The following NBEA variants were observed in gnomAD, a reference collection of about 807,000 sequenced individuals.
NBEA encodes lysosomal-trafficking regulator 2.
Under a neutral mutation model 343.4 loss-of-function variants are expected in NBEA, and 44 were observed. The ratio of observed to expected loss-of-function variants is 0.13; its 90% confidence interval spans 0.10 to 0.16. NBEA has a LOEUF of 0.16. Among genes scored for constraint, NBEA ranks in the 10% least tolerant of loss-of-function variants. The pLI, the probability that NBEA is intolerant of heterozygous loss-of-function variation, is 1.00. For missense variants in NBEA, 2,555 were observed against 3,631.3 expected (o/e 0.70, Z 7.62); for synonymous variants, 1,175 against 1,238.7 (o/e 0.95, Z 1.08).
At chr13:35,666,523 C>T (rs1183005261) in intron 56 of NBEA, among the ~76,000 whole-genome samples, 1 of 151,648 alleles carries the variant, frequency 6.6e-6, no homozygotes, top group East Asian at 1.9e-4. Flanking sequence ...TCCTAATTTT[C>T]TATAGGGCAA....
intron 34 of NBEA, among the ~76,000 whole-genome samples, chr13:35,289,733 G>C (rs2035678339): frequency 6.6e-6 from 1 of 151,840 alleles, no homozygotes; most frequent in Non-Finnish European, 1.5e-5. Flanking sequence ...CCCAGCACAT[G>C]CTAAGTGATC....
At chr13:35,425,388 C>T (rs1423163547) in intron 38 of NBEA, among the ~76,000 whole-genome samples, 2 of 152,232 alleles carry the variant, frequency 1.3e-5, no homozygotes, top group East Asian at 1.9e-4. Flanking sequence ...TTATTTCTGC[C>T]TTCATTTTGT....
intron 10 of NBEA, among the ~76,000 whole-genome samples, chr13:35,093,616 A>G (rs1447154332): frequency 6.6e-6 from 1 of 152,034 alleles, no homozygotes; most frequent in African/African-American, 2.4e-5. Flanking sequence ...GAAGGGCATT[A>G]GAGTATGCAT....
chr13:34,943,454 G>C (rs2059095171), intron 1 of NBEA, among the ~76,000 whole-genome samples: 1 of 152,204 alleles, frequency 6.6e-6, no homozygotes, highest in South Asian at 2.1e-4. Context: ...GAGGCCTCCT[G>C]TTCTCTGGGG....
At position 34,969,013 on chromosome 13, in the gene NBEA, G is replaced by A. The variant is rs887379798; in HGVS notation, c.294+25899G>A. Among the ~76,000 whole-genome samples the A allele has an allele frequency of 2.0e-5, 3 of 151,640 alleles. No homozygotes were observed. In the East Asian group the frequency reaches 5.8e-4, roughly 29 times the overall value. ...GAAAACTACCTACTGGATCACAACT[G>A]GTAGGCTTTATTCTCCTGAGTGATC... On this transcript the variant is annotated intron_variant, in intron 1 of 58. Coordinates refer to ENST00000379939, the MANE Select transcript of NBEA (RefSeq NM_001385012.1).
chr13:35,167,978 C>T (rs2070168213), intron 24 of NBEA, among the ~76,000 whole-genome samples: 1 of 151,734 alleles, frequency 6.6e-6, no homozygotes, highest in African/African-American at 2.4e-5. Context: ...TCTAGCTCTC[C>T]TAATAGTTTC....
chr13:35,283,644 A>G (rs539533176), intron 34 of NBEA, among the ~76,000 whole-genome samples: 2 of 152,196 alleles, frequency 1.3e-5, no homozygotes. Flanking sequence ...TATATTTCAT[A>G]GCATCTTTAG....
At chr13:35,371,717 C>T (rs1483083152) in intron 38 of NBEA, among the ~76,000 whole-genome samples, 3 of 152,104 alleles carry the variant, frequency 2.0e-5, no homozygotes, top group Non-Finnish European at 4.4e-5. Flanking sequence ...ATCTGCACAT[C>T]TGGTATAATT....
chr13:35,229,801 A>C (rs1269942219), intron 33 of NBEA, among the ~76,000 whole-genome samples: 1 of 152,130 alleles, frequency 6.6e-6, no homozygotes, highest in Non-Finnish European at 1.5e-5. Flanking sequence ...TCAGAATTTA[A>C]ATTGTGTAAC....
intron 1 of NBEA, among the ~76,000 whole-genome samples, chr13:34,956,744 A>G (rs1284764094): frequency 6.6e-6 from 1 of 152,176 alleles, no homozygotes; most frequent in African/African-American, 2.4e-5. Flanking sequence ...ACCATTTTAA[A>G]GTTTACAGTT....
At chr13:35,311,809 G>A (rs1258481470) in intron 36 of NBEA, among the ~76,000 whole-genome samples, 2 of 152,042 alleles carry the variant, frequency 1.3e-5, no homozygotes, top group South Asian at 2.1e-4. Flanking sequence ...AGCCAAGATC[G>A]TGCCATTGCA....
intron 38 of NBEA, among the ~76,000 whole-genome samples, chr13:35,404,653 A>G (rs1403108754): frequency 6.7e-6 from 1 of 148,834 alleles, no homozygotes; most frequent in Non-Finnish European, 1.5e-5. Context: ...ACCTAATGCT[A>G]AATGACGAGT....
At chr13:35,105,974 A>G (rs900160532) in intron 11 of NBEA, among the ~76,000 whole-genome samples, 1 of 152,072 alleles carries the variant, frequency 6.6e-6, no homozygotes. Context: ...TCTTTATTGA[A>G]TAGAAGTTTC....
At chr13:35,307,619 T>C (rs2152830643) in intron 35 of NBEA, among the ~76,000 whole-genome samples, 1 of 152,202 alleles carries the variant, frequency 6.6e-6, no homozygotes, top group South Asian at 2.1e-4. Flanking sequence ...TTATGGTGAC[T>C]AAAGAGTCTT....
intron 6 of NBEA, among the ~76,000 whole-genome samples, chr13:35,054,577 T>C (rs1393021149): frequency 6.6e-6 from 1 of 151,968 alleles, no homozygotes; most frequent in Non-Finnish European, 1.5e-5. Context: ...AAGCACACTG[T>C]TGTTTTGTAT....
rs149296154 is a variant in NBEA, at chr13:34,951,295, A to T, written c.294+8181A>T. On this transcript the variant is annotated intron_variant, in intron 1 of 58. Coordinates refer to ENST00000379939, the MANE Select transcript of NBEA (RefSeq NM_001385012.1). ...TGAAATAACATACAGCTATTAAAACATTCTGTGCCTCAGTTTCTTTGTGTG... is the reference window on the plus strand; with the variant it reads ...TGAAATAACATACAGCTATTAAAACTTTCTGTGCCTCAGTTTCTTTGTGTG... Among the ~76,000 whole-genome samples, 93 of 152,358 alleles carry T rather than the reference A, an allele frequency of 6.1e-4. 1 individual carries two copies. The highest frequency in any genetic ancestry group is 2.0e-3 in the African/African-American group (85 of 41,592).
chr13:35,246,159 T>C (rs2031155937), intron 34 of NBEA, among the ~76,000 whole-genome samples: 1 of 152,186 alleles, frequency 6.6e-6, no homozygotes, highest in Non-Finnish European at 1.5e-5. Context: ...ATATATGCTG[T>C]GTATTTCACT....
chr13:35,428,326 TTC>T (rs1471534170), intron 38 of NBEA, among the ~76,000 whole-genome samples: 1 of 152,186 alleles, frequency 6.6e-6, no homozygotes, highest in African/African-American at 2.4e-5. Flanking sequence ...TCTGCCGACT[TTC>T]TCCTCTCCTT....
At position 35,250,957 on chromosome 13, in the gene NBEA, TA is replaced by T. The variant is rs1485932671; in HGVS notation, c.5776+18339del. ...ATAAATTTACAGTAGTTATTACATC[TA>T]GGGGAATGGTATCAGTGCTGTAACT... On this transcript the variant is annotated intron_variant, in intron 34 of 58. Transcript: ENST00000379939. 3 of 152,296 alleles carry T rather than the reference TA, an allele frequency of 2.0e-5. No homozygotes were observed. The East Asian group carries it at 5.8e-4, about 29-fold the overall frequency. The allele number at this position is 152,296 out of a possible 1,614,324, so 9.4% of individuals were successfully genotyped here. A position where few individuals can be genotyped will look rare whatever the true frequency, so the allele number is the denominator to read the frequency against.
Sources: allele counts gnomAD v4.1 joint callset (sites outside exome capture counted in the v4.1 genomes callset), GRCh38; gene constraint gnomAD v4.1.1; transcripts MANE v1.5; gene names NCBI Gene and HGNC (gene_info 2026-07-23, HGNC 2026-07-21).